The following VPS13D variants were observed in gnomAD, a reference collection of about 807,000 sequenced individuals.
VPS13D encodes the protein vacuolar protein sorting 13 homolog D, also known as intermembrane lipid transfer protein VPS13D.
VPS13D carries 187 observed loss-of-function variants against 461.9 expected under a neutral mutation model. That is an observed-to-expected ratio of 0.40 (90% confidence interval 0.36 to 0.46). VPS13D has a LOEUF of 0.46. Among genes scored for constraint, VPS13D ranks in the 20% least tolerant of loss-of-function variants. The pLI is 0.60. For synonymous variants in VPS13D, 1,951 were observed against 1,986.3 expected (o/e 0.98, Z 0.47); for missense variants, 4,711 against 5,364.9 (o/e 0.88, Z 3.81).
In VPS13D at chr1:12,249,232, C is replaced by T. The variant is rs1344324221; in HGVS notation, c.457C>T (p.Gln153Ter). 2.5e-6 allele frequency: 4 copies of T among 1,610,838 alleles called. No homozygotes were observed. Among genetic ancestry groups the T allele is most frequent in the African/African-American group, 1.3e-5 (1 of 74,742 alleles). ...TTTTTTCTCTTTGCAGTTAAAAATT[C>T]AAGATGTCCATTTACGCTTTGAAGA... Reference protein sequence around the residue: ...RIVENIELKIQDVHLRFEDGV... With the variant: ...RIVENIELKI Residue 153 changes from glutamine to a stop codon, truncating the protein, a stop_gained, in exon 6 of 70, where the codon CAA becomes TAA. Transcript: ENST00000620676. LOFTEE classifies it high-confidence loss of function.
chr1:12,263,325 T>G (rs977344181), intron 13 of VPS13D, among the ~76,000 whole-genome samples: 1 of 152,072 alleles, frequency 6.6e-6, no homozygotes, highest in Non-Finnish European at 1.5e-5. Context: ...AGAGCTGAAA[T>G]GAGGAGGCAG....
Position 12,507,311 on chromosome 1 carries a change from T to C in VPS13D, c.13035+218T>C. 1 of 810,378 alleles carries C rather than the reference T, an allele frequency of 1.2e-6. No individual in the cohort carries two copies. The highest frequency in any genetic ancestry group is 2.2e-6 in the Non-Finnish European group (1 of 464,356). 50.2% of individuals were successfully genotyped at this position (810,378 alleles called of 1,614,324 possible). A position where few individuals can be genotyped will look rare whatever the true frequency, so the allele number is the denominator to read the frequency against. ...GGCCCATGGGTGACCCTGGGAACAT[T>C]AACTGCCTCACAACGTTTGTGCCTC... is the stretch of plus-strand genomic sequence containing the variant. On this transcript the variant is annotated intron_variant, in intron 69 of 69. Transcript: ENST00000620676. This position sits in a 1 kb window ranked among gnomAD's most constrained non-coding sequence, Gnocchi z 5.3.
intron 63 of VPS13D, among the ~76,000 whole-genome samples, chr1:12,406,770 G>A (rs189404394): frequency 7.2e-5 from 11 of 152,262 alleles, no homozygotes; most frequent in Admixed American, 3.3e-4. Flanking sequence ...TAGTTTATAC[G>A]TGTTTTTGGC....
At chr1:12,327,211 C>G (rs987791206) in intron 35 of VPS13D, among the ~76,000 whole-genome samples, 2 of 152,166 alleles carry the variant, frequency 1.3e-5, no homozygotes, top group African/African-American at 4.8e-5. Context: ...GGCCATCTTG[C>G]TCTGGAGCCC....
intron 26 of VPS13D, among the ~76,000 whole-genome samples, chr1:12,308,062 T>C (rs1182421271): frequency 2.0e-5 from 3 of 152,184 alleles, no homozygotes; most frequent in African/African-American, 4.8e-5. Flanking sequence ...AGAAAGTTTG[T>C]AAACCTTTTG....
At chr1:12,407,838 GTTC>G (rs1457642455) in intron 63 of VPS13D, among the ~76,000 whole-genome samples, 1 of 152,196 alleles carries the variant, frequency 6.6e-6, no homozygotes, top group Non-Finnish European at 1.5e-5. Flanking sequence ...ACTTTGTGTG[GTTC>G]TTCTTTAATA....
Position 12,433,304 on chromosome 1 carries a change from A to C in VPS13D, c.12333+16477A>C, listed in dbSNP as rs1645017261. Among the ~76,000 whole-genome samples the C allele has an allele frequency of 2.6e-5, 4 of 151,912 alleles. No individual in the cohort carries two copies. In the South Asian group the frequency reaches 6.2e-4, roughly 24 times the overall value. ...CAAAAAAACAACAACAAAACAGTAG[A>C]CCAAATGGTGACTGAGTCCCAACCC... On this transcript the variant is annotated intron_variant, in intron 65 of 69. Transcript: ENST00000620676.
intron 56 of VPS13D, 137 bp downstream of exon 56, chr1:12,378,728 TCCCA>T: frequency 5.5e-6 from 5 of 916,152 alleles, no homozygotes; most frequent in Non-Finnish European, 7.6e-6. Context: ...CCTGTCATAT[TCCCA>T]AATATGAGTA....
chr1:12,355,971 G>T lies in VPS13D; in HGVS notation c.9752G>T (p.Arg3251Ile). ...IPPGTQNYMV[R>I]MRLYDVNRRQ... is the part of the protein sequence containing the mutation. ...CCTGGAACCCAAAACTATATGGTGA[G>T]AATGCGACTCTATGACGTCAACCGT... The change falls in exon 48 of 70, where the codon AGA (arginine) becomes ATA (isoleucine). Residue 3251 changes from arginine to isoleucine, a missense_variant. By Grantham distance (97) the Arg-to-Ile change is moderately conservative. Transcript: ENST00000620676. 1 of 1,613,654 alleles carries T rather than the reference G, an allele frequency of 6.2e-7. No homozygotes were observed. Among genetic ancestry groups the T allele is most frequent in the South Asian group, 1.1e-5 (1 of 90,976 alleles).
intron 65 of VPS13D, among the ~76,000 whole-genome samples, chr1:12,453,504 C>T (rs555464800): frequency 2.6e-5 from 4 of 152,194 alleles, no homozygotes; most frequent in East Asian, 1.9e-4. Flanking sequence ...CATGGGCACG[C>T]GTCACTTAAC....
In VPS13D at chr1:12,386,233, G is replaced by T; in HGVS notation, c.11533G>T (p.Val3845Phe). ...GGIGLSLINKVPEELVFASLT... is the reference protein window; with the variant it reads ...GGIGLSLINKFPEELVFASLT... ...AATTGGGTTGTCCTTAATTAATAAAGTCCCAGAAGAACTGGTCTTTGCAAG... is the reference window on the plus strand; with the variant it reads ...AATTGGGTTGTCCTTAATTAATAAATTCCCAGAAGAACTGGTCTTTGCAAG... Residue 3845 changes from valine (V) to phenylalanine (F), a missense_variant, in exon 60 of 70, where the codon GTC becomes TTC. Val to Phe is a conservative substitution (Grantham distance 50). Coordinates refer to ENST00000620676, the MANE Select transcript of VPS13D (RefSeq NM_015378.4). The T allele has an allele frequency of 1.9e-6, 3 of 1,613,624 alleles. No homozygotes were observed. The highest frequency in any genetic ancestry group is 1.7e-6 in the Non-Finnish European group (2 of 1,179,838).
intron 24 of VPS13D, among the ~76,000 whole-genome samples, chr1:12,298,354 A>G (rs984367560): frequency 2.0e-5 from 3 of 152,130 alleles, no homozygotes; most frequent in Non-Finnish European, 2.9e-5. Flanking sequence ...TAAAGAGGAT[A>G]TGTTCTGGGC....
chr1:12,504,066 T>A (rs1646071405), intron 68 of VPS13D, among the ~76,000 whole-genome samples: 1 of 152,176 alleles, frequency 6.6e-6, no homozygotes, highest in East Asian at 1.9e-4. Flanking sequence ...AGTGACAAGT[T>A]TGATATGAGG....
rs575710825 is a variant in VPS13D at position 12,443,248 on chromosome 1, G to A, written c.12334-12750G>A. 2.6e-5 allele frequency among the ~76,000 whole-genome samples: 4 copies of A among 152,234 alleles called. No homozygotes were observed. In the South Asian group the frequency reaches 8.3e-4, roughly 32 times the overall value. On this transcript the variant is annotated intron_variant, in intron 65 of 69. Transcript: ENST00000620676. ...TAAGTCATACTGAATATATTCTTTT[G>A]TGACCTTTTGTCACTTACTGTGACA... is the stretch of plus-strand genomic sequence containing the variant.
intron 65 of VPS13D, among the ~76,000 whole-genome samples, chr1:12,440,340 A>G (rs1319895099): frequency 2.0e-5 from 3 of 152,110 alleles, no homozygotes; most frequent in Non-Finnish European, 4.4e-5. Context: ...AGTGTAGAAC[A>G]CTCTTAAAAG....
chr1:12,393,343 A>G (rs763795983), intron 60 of VPS13D, among the ~76,000 whole-genome samples: 1 of 152,270 alleles, frequency 6.6e-6, no homozygotes, highest in African/African-American at 2.4e-5. Context: ...CGGTTAGGAC[A>G]GTAAAGGTAT....
chr1:12,432,261 T>G (rs1225008810), intron 65 of VPS13D, among the ~76,000 whole-genome samples: 1 of 151,898 alleles, frequency 6.6e-6, no homozygotes, highest in Admixed American at 6.6e-5. Flanking sequence ...GGCATGGTGG[T>G]GCATGCCTGT....
In VPS13D at chr1:12,322,526, A is replaced by G; in HGVS notation, c.7705-10A>G. The stretch of plus-strand genomic sequence containing the variant: ...TTTAAAAAATTGCTACCTTTTTTAC[A>G]TTTTGTTAGATTCAGTTACAAGCCC... On this transcript the variant is annotated splice_polypyrimidine_tract_variant and intron_variant, in intron 33 of 69. Coordinates refer to ENST00000620676, the MANE Select transcript of VPS13D (RefSeq NM_015378.4). The G allele has an allele frequency of 6.2e-7, 1 of 1,612,852 alleles. No individual in the cohort carries two copies. Among genetic ancestry groups the G allele is most frequent in the Non-Finnish European group, 8.5e-7 (1 of 1,179,200 alleles).
chr1:12,409,347 T>C (rs932122366), intron 63 of VPS13D, among the ~76,000 whole-genome samples: 1 of 152,176 alleles, frequency 6.6e-6, no homozygotes, highest in Non-Finnish European at 1.5e-5. Flanking sequence ...TTCAATTAAA[T>C]GTATTCTTGT....
Sources: allele counts gnomAD v4.1 joint callset (sites outside exome capture counted in the v4.1 genomes callset), GRCh38; gene constraint gnomAD v4.1.1; non-coding constraint Gnocchi (gnomAD v3.1); transcripts MANE v1.5; gene names NCBI Gene and HGNC (gene_info 2026-07-23, HGNC 2026-07-21).